Variants in GATAD2B observed in about 807,000 individuals in gnomAD.
GATAD2B encodes GATA zinc finger domain containing 2B, also known as transcriptional repressor p66-beta.
In GATAD2B, 8 loss-of-function variants were observed where a neutral mutation model predicts 64.3. That is an observed-to-expected ratio of 0.12 (90% CI 0.07 to 0.22). The LOEUF is 0.22. Ranked by LOEUF, GATAD2B falls within the 10% of genes least tolerant of loss-of-function variation. The pLI, the probability that GATAD2B is intolerant of heterozygous loss-of-function variation, is 1.00. For synonymous variants in GATAD2B, 281 were observed against 271.3 expected (o/e 1.04, Z -0.35); for missense variants, 453 against 752.0 (o/e 0.60, Z 4.65).
rs530143536 is a variant in GATAD2B, at chr1:153,886,857, C to A, written c.-2+35876G>T. ...TACAGGCATGAGCCACTGCGTCTGG[C>A]CGAAAAATAGCTGTTTTTTTAAAAA... On this transcript the variant is annotated intron_variant, in intron 1 of 10. Coordinates refer to ENST00000368655, the MANE Select transcript of GATAD2B (RefSeq NM_020699.4). Among the ~76,000 whole-genome samples, 32 of 152,056 alleles carry A rather than the reference C, an allele frequency of 2.1e-4. No homozygotes were observed. In the South Asian group the frequency reaches 6.4e-3, roughly 31 times the overall value.
At chr1:153,856,960 G>A (rs933890617) in intron 1 of GATAD2B, among the ~76,000 whole-genome samples, 1 of 151,802 alleles carries the variant, frequency 6.6e-6, no homozygotes, top group East Asian at 1.9e-4. Context: ...AGATGATAGG[G>A]TTTCATCTGA....
intron 1 of GATAD2B, among the ~76,000 whole-genome samples, chr1:153,836,619 C>T (rs903378842): frequency 1.3e-5 from 2 of 151,624 alleles, no homozygotes; most frequent in African/African-American, 2.4e-5. Context: ...GAGTTTGAGG[C>T]TGCAGTGAGC....
chr1:153,816,578 G>T lies in GATAD2B; in HGVS notation c.911C>A (p.Ser304Tyr). The T allele has an allele frequency of 6.2e-7, 1 of 1,607,646 alleles. No individual in the cohort carries two copies. The highest frequency in any genetic ancestry group is 8.5e-7 in the Non-Finnish European group (1 of 1,174,656). Residue 304 changes from serine (S) to tyrosine (Y), a missense_variant, in exon 7 of 11, where the codon TCT (serine) becomes TAT (tyrosine). Ser to Tyr is a moderately radical substitution (Grantham distance 144, BLOSUM62 -2). Around this residue, in one of 2 missense-constraint regions of GATAD2B, gnomAD observed 293 missense variants for 417.2 expected, o/e 0.70. Coordinates refer to ENST00000368655, the MANE Select transcript of GATAD2B (RefSeq NM_020699.4). The surrounding 1 kb of genome is among the most constrained non-coding windows in gnomAD (Gnocchi z 4.9). ...PAINYQPQSS[S>Y]SVPCQRTTSS... Reference sequence around the variant, plus strand: ...TGTTGTACGCTGACATGGAACAGAAGAACTTGACTGCTGAAATAGATTGAG... The same window carrying T: ...TGTTGTACGCTGACATGGAACAGAATAACTTGACTGCTGAAATAGATTGAG...
At chr1:153,871,329 T>G (rs1676658180) in intron 1 of GATAD2B, among the ~76,000 whole-genome samples, 4 of 152,178 alleles carry the variant, frequency 2.6e-5, no homozygotes, top group Admixed American at 2.0e-4. Flanking sequence ...TCTCCCAAAG[T>G]GCTGGGATTA....
At chr1:153,837,901 A>G (rs1352798115) in intron 1 of GATAD2B, among the ~76,000 whole-genome samples, 5 of 152,206 alleles carry the variant, frequency 3.3e-5, no homozygotes, top group African/African-American at 1.2e-4. Context: ...TGTGATCCTA[A>G]TAATAACAAA....
intron 1 of GATAD2B, among the ~76,000 whole-genome samples, chr1:153,913,966 C>T (rs1321940368): frequency 4.2e-5 from 6 of 144,132 alleles, no homozygotes; most frequent in East Asian, 2.1e-4. Context: ...TACAAGGGGC[C>T]GAGCACAGTG....
intron 1 of GATAD2B, among the ~76,000 whole-genome samples, chr1:153,866,564 T>C (rs1305274549): frequency 1.3e-5 from 2 of 152,190 alleles, no homozygotes; most frequent in Non-Finnish European, 2.9e-5. Context: ...CCAAGCTATC[T>C]AATGCTTCCT....
intron 1 of GATAD2B, among the ~76,000 whole-genome samples, chr1:153,841,995 C>A (rs1433730579): frequency 6.6e-6 from 1 of 152,128 alleles, no homozygotes; most frequent in Admixed American, 6.6e-5. Flanking sequence ...TGGGGTCTCA[C>A]TATGTTACCC....
At chr1:153,852,897 C>G in intron 1 of GATAD2B, 1 of 780,548 alleles carries the variant, frequency 1.3e-6, no homozygotes, top group Non-Finnish European at 2.3e-6. Context: ...GCGCATGTTC[C>G]AAGCCACTGC....
At chr1:153,908,509 G>A (rs888368288) in intron 1 of GATAD2B, among the ~76,000 whole-genome samples, 4 of 150,234 alleles carry the variant, frequency 2.7e-5, no homozygotes, top group East Asian at 3.9e-4. Context: ...ACGGAGTTTC[G>A]CTCGTTGCCC....
chr1:153,911,537 C>T (rs1020933298), intron 1 of GATAD2B, among the ~76,000 whole-genome samples: 15 of 152,122 alleles, frequency 9.9e-5, no homozygotes, highest in Middle Eastern at 3.2e-3. Context: ...GAGTTCGCGA[C>T]CAGCCTGACC....
At chr1:153,904,183 C>T (rs559796569) in intron 1 of GATAD2B, among the ~76,000 whole-genome samples, 3 of 151,706 alleles carry the variant, frequency 2.0e-5, no homozygotes, top group Admixed American at 1.3e-4. Flanking sequence ...GGAAGGCTGA[C>T]GCAGGAAAAT....
intron 1 of GATAD2B, among the ~76,000 whole-genome samples, chr1:153,862,636 A>G (rs545032091): frequency 1.3e-5 from 2 of 152,222 alleles, no homozygotes; most frequent in African/African-American, 4.8e-5. Context: ...CTGCAGTTCC[A>G]TGAACTGCAA....
At chr1:153,815,780 C>T (rs1408756519) in intron 7 of GATAD2B, among the ~76,000 whole-genome samples, 1 of 152,156 alleles carries the variant, frequency 6.6e-6, no homozygotes, top group African/African-American at 2.4e-5. Flanking sequence ...TGACGGGGTA[C>T]AGTGGCTCAT....
chr1:153,882,630 C>T (rs894490111), intron 1 of GATAD2B, among the ~76,000 whole-genome samples: 1 of 152,096 alleles, frequency 6.6e-6, no homozygotes, highest in Non-Finnish European at 1.5e-5. Flanking sequence ...TGCTTTAAGC[C>T]CAGCCATAGT....
chr1:153,897,154 C>T lies in GATAD2B; in HGVS notation c.-2+25579G>A, dbSNP rs551959857. On this transcript the variant is annotated intron_variant, in intron 1 of 10. Transcript: ENST00000368655. The stretch of plus-strand genomic sequence containing the variant: ...ACGCCATTCTCCTGCCTCAGCCTCC[C>T]GAGTAGCTGGGATTACAGGTGCCCG... Among the ~76,000 whole-genome samples, 10 of 151,874 alleles carry T rather than the reference C, an allele frequency of 6.6e-5. No individual in the cohort carries two copies. The South Asian group carries it at 1.3e-3, about 19-fold the overall frequency.
chr1:153,875,414 G>T (rs1676792753), intron 1 of GATAD2B, among the ~76,000 whole-genome samples: 1 of 152,052 alleles, frequency 6.6e-6, no homozygotes, highest in African/African-American at 2.4e-5. Flanking sequence ...GTATTGAGCT[G>T]CATTCAAAGC....
At chr1:153,881,133 T>G (rs1676997891) in intron 1 of GATAD2B, among the ~76,000 whole-genome samples, 1 of 152,122 alleles carries the variant, frequency 6.6e-6, no homozygotes. Flanking sequence ...TCCCTTTGTG[T>G]TCTGTATACA....
At chr1:153,817,876 T>G (rs1371301404) in intron 5 of GATAD2B, among the ~76,000 whole-genome samples, 164 bp downstream of exon 5, 1 of 152,242 alleles carries the variant, frequency 6.6e-6, no homozygotes, top group African/African-American at 2.4e-5. Flanking sequence ...TTACTCATCC[T>G]TCTACTGAAG....
Sources: allele counts gnomAD v4.1 joint callset (sites outside exome capture counted in the v4.1 genomes callset), GRCh38; gene constraint gnomAD v4.1.1; regional missense constraint gnomAD v4.1.1; non-coding constraint Gnocchi (gnomAD v3.1); transcripts MANE v1.5; gene names NCBI Gene and HGNC (gene_info 2026-07-23, HGNC 2026-07-21).